Variants in B3GALT1 observed in about 807,000 individuals in gnomAD.
The protein encoded by B3GALT1 is beta-1,3-galactosyltransferase 1.
Under a neutral mutation model 23.2 loss-of-function variants are expected in B3GALT1, and 10 were observed. The ratio of observed to expected loss-of-function variants is 0.43; its 90% confidence interval spans 0.27 to 0.73. The LOEUF (loss-of-function observed/expected upper bound fraction) is 0.73, where lower values mean the gene tolerates loss of function less well. Among genes scored for constraint, B3GALT1 ranks in the 30% least tolerant of loss-of-function variants. The pLI, the probability that B3GALT1 is intolerant of heterozygous loss-of-function variation, is 0.21. For missense variants in B3GALT1, 299 were observed against 405.4 expected (o/e 0.74, Z 2.25); for synonymous variants, 156 against 141.5 (o/e 1.10, Z -0.73).
chr2:167,542,719 G>C (rs532367433), intron 2 of B3GALT1, among the ~76,000 whole-genome samples: 3 of 151,460 alleles, frequency 2.0e-5, no homozygotes, highest in African/African-American at 7.3e-5. Context: ...CTCCTATCTT[G>C]TTTTTGAAAT....
chr2:167,465,413 C>T (rs1699329545), intron 1 of B3GALT1, among the ~76,000 whole-genome samples: 1 of 152,078 alleles, frequency 6.6e-6, no homozygotes, highest in Non-Finnish European at 1.5e-5. Flanking sequence ...GTTCTGGAGG[C>T]CGGAAATGCT....
At chr2:167,820,897 GCGA>G (rs1689092298) in intron 4 of B3GALT1, among the ~76,000 whole-genome samples, 1 of 152,138 alleles carries the variant, frequency 6.6e-6, no homozygotes, top group Non-Finnish European at 1.5e-5. Context: ...TATATTCCTG[GCGA>G]TGCTTTAAGA....
rs560450113 is a variant in B3GALT1, at chr2:167,446,203, C to T, written c.-510-43974C>T. The stretch of plus-strand genomic sequence containing the variant: ...GTTGAATATTGGCCCCCACTTTCTT[C>T]TGGCTTGTAGAGTTTCTGCTGAGAG... On this transcript the variant is annotated intron_variant, in intron 1 of 4. Transcript: ENST00000392690. 3.0e-4 allele frequency among the ~76,000 whole-genome samples: 45 copies of T among 152,340 alleles called. 1 individual carries two copies. Among genetic ancestry groups the T allele is most frequent in the African/African-American group, 9.6e-4 (40 of 41,582 alleles).
chr2:167,553,144 A>G (rs974310213), intron 2 of B3GALT1, among the ~76,000 whole-genome samples: 8 of 152,216 alleles, frequency 5.3e-5, no homozygotes, highest in African/African-American at 1.9e-4. Flanking sequence ...AGAATGTCAG[A>G]TTTTTAAAAA....
At position 167,871,409 on chromosome 2, in the gene B3GALT1, TA is replaced by T. The variant is rs927643041; in HGVS notation, c.*1391del. 5 of 152,202 alleles carry T rather than the reference TA, an allele frequency of 3.3e-5. No individual in the cohort carries two copies. Among genetic ancestry groups the T allele is most frequent in the Admixed American group, 1.3e-4 (2 of 15,286 alleles). 9.4% of individuals were successfully genotyped at this position (152,202 alleles called of 1,614,324 possible). ...GTCATCAGTAGCAGTAATATCATCT[TA>T]ATATAAAATCTGCTGAAATAAAGAT... On this transcript the variant is annotated 3_prime_UTR_variant, in exon 5 of 5. Coordinates refer to ENST00000392690, the MANE Select transcript of B3GALT1 (RefSeq NM_020981.4).
intron 2 of B3GALT1, among the ~76,000 whole-genome samples, chr2:167,625,417 T>A (rs1253720245): frequency 1.3e-5 from 2 of 151,788 alleles, no homozygotes; most frequent in African/African-American, 4.8e-5. Flanking sequence ...GGCTAAAAAA[T>A]TTTCTTGACC....
intron 2 of B3GALT1, among the ~76,000 whole-genome samples, chr2:167,500,804 G>A (rs1346096534): frequency 6.6e-6 from 1 of 152,128 alleles, no homozygotes; most frequent in East Asian, 1.9e-4. Context: ...CCTGGGGTAA[G>A]AGTAGAAAAA....
chr2:167,832,309 T>A (rs10171449), intron 4 of B3GALT1, among the ~76,000 whole-genome samples: 1,955 of 152,344 alleles, frequency 0.013, 37 homozygotes, highest in African/African-American at 0.044. Context: ...CAGAATAGTT[T>A]CTGACACCAA....
chr2:167,767,209 A>G (rs1687994240), intron 3 of B3GALT1, among the ~76,000 whole-genome samples: 1 of 152,192 alleles, frequency 6.6e-6, no homozygotes, highest in Non-Finnish European at 1.5e-5. Flanking sequence ...GGTGTTGGCT[A>G]TTGTTTCTGC....
In B3GALT1 at chr2:167,663,375, G is replaced by C. The variant is rs1686106961; in HGVS notation, c.-352+16409G>C. On this transcript the variant is annotated intron_variant, in intron 3 of 4. Transcript: ENST00000392690. ...CGGTCTATCATTGTTGGACATTTGGGTTGGTTCCAAGTCTTTGCTATTGTG... is the reference window on the plus strand; with the variant it reads ...CGGTCTATCATTGTTGGACATTTGGCTTGGTTCCAAGTCTTTGCTATTGTG... Among the ~76,000 whole-genome samples, 4 of 151,374 alleles carry C rather than the reference G, an allele frequency of 2.6e-5. No homozygotes were observed. In the South Asian group the frequency reaches 8.3e-4, roughly 32 times the overall value.
intron 2 of B3GALT1, among the ~76,000 whole-genome samples, chr2:167,512,566 A>ATATATG (rs1553463238): frequency 2.2e-5 from 2 of 92,036 alleles, no homozygotes; most frequent in African/African-American, 1.4e-4. Context: ...GTATATATAT[A>ATATATG]TGTATATATA....
intron 3 of B3GALT1, among the ~76,000 whole-genome samples, chr2:167,788,434 C>T (rs745708175): frequency 4.6e-5 from 7 of 152,168 alleles, no homozygotes; most frequent in Non-Finnish European, 8.8e-5. Flanking sequence ...TGCAACTAGA[C>T]GGTCCCATCT....
chr2:167,318,015 A>G (rs1035223075), intron 1 of B3GALT1, among the ~76,000 whole-genome samples: 5 of 152,148 alleles, frequency 3.3e-5, no homozygotes, highest in Admixed American at 1.3e-4. Context: ...TGCACTTTCA[A>G]TATTCTGATC....
chr2:167,558,640 G>T (rs761239532), intron 2 of B3GALT1, among the ~76,000 whole-genome samples: 38 of 152,278 alleles, frequency 2.5e-4, no homozygotes, highest in Non-Finnish European at 5.3e-4. Context: ...AGGAAATGGC[G>T]CACCAGGAGA....
intron 3 of B3GALT1, among the ~76,000 whole-genome samples, chr2:167,752,670 C>T (rs964512310): frequency 1.4e-5 from 2 of 146,366 alleles, no homozygotes; most frequent in African/African-American, 5.0e-5. Context: ...AAAGTGCACT[C>T]GGATTCTTAG....
intron 1 of B3GALT1, among the ~76,000 whole-genome samples, chr2:167,299,330 A>T (rs1696409232): frequency 6.6e-6 from 1 of 152,198 alleles, no homozygotes; most frequent in African/African-American, 2.4e-5. Context: ...GAATTATACT[A>T]AATGTTCACA....
Position 167,383,163 on chromosome 2 carries a change from T to C in B3GALT1, c.-511+89829T>C, listed in dbSNP as rs111699128. On this transcript the variant is annotated intron_variant, in intron 1 of 4. Transcript: ENST00000392690. ...AAGTTGGATTTGATTCCCTTCCAGC[T>C]CTGGCTGTTGACAATTCTATGTGCA... Among the ~76,000 whole-genome samples, 696 of 152,082 alleles carry C rather than the reference T, an allele frequency of 4.6e-3. 9 individuals carry two copies. Among genetic ancestry groups the C allele is most frequent in the African/African-American group, 0.016 (669 of 41,504 alleles).
chr2:167,694,735 GGCCA>G (rs146989169), intron 3 of B3GALT1, among the ~76,000 whole-genome samples: 3,513 of 152,106 alleles, frequency 0.023, 125 homozygotes, highest in African/African-American at 0.081. Context: ...GAAAGCAGGT[GGCCA>G]GATTCAAGGG....
intron 3 of B3GALT1, among the ~76,000 whole-genome samples, chr2:167,678,512 C>G (rs1328264554): frequency 6.6e-6 from 1 of 151,978 alleles, no homozygotes; most frequent in Non-Finnish European, 1.5e-5. Flanking sequence ...ACACTGTGAC[C>G]TCCCTAAGCA....
Sources: allele counts gnomAD v4.1 joint callset (sites outside exome capture counted in the v4.1 genomes callset), GRCh38; gene constraint gnomAD v4.1.1; transcripts MANE v1.5; gene names NCBI Gene and HGNC (gene_info 2026-07-23, HGNC 2026-07-21).